GCKR: variants seen among roughly 807,000 people sequenced by gnomAD.
GCKR encodes the protein glucokinase regulator.
In GCKR, 73 loss-of-function variants were observed where a neutral mutation model predicts 82.9. That is an observed-to-expected ratio of 0.88 (90% CI 0.73 to 1.07). The LOEUF is 1.07. GCKR is among the 50% of genes least tolerant of loss of function. GCKR has a pLI of 0.00. For missense variants in GCKR, 784 were observed against 782.1 expected (o/e 1.00, Z -0.03); for synonymous variants, 294 against 291.8 (o/e 1.01, Z -0.08).
rs1394703273 is a variant in GCKR at position 27,508,262 on chromosome 2, T to A, written c.1422+11T>A. 6.5e-7 allele frequency: 1 copy of A among 1,533,238 alleles called. No individual in the cohort carries two copies. The highest frequency in any genetic ancestry group is 1.7e-5 in the Admixed American group (1 of 59,916). 95.0% of individuals were successfully genotyped at this position (1,533,238 alleles called of 1,614,324 possible). ...GGGAACTTCATCCAGGTATGGGGAA[T>A]GAGAAGGTCCTATCTGCAGTAAGGG... On this transcript the variant is annotated intron_variant, in intron 16 of 18. Transcript: ENST00000264717.
rs765015096 is a variant in GCKR, at chr2:27,506,821, C to A, written c.1002C>A (p.Gly334=). Residue 334 remains glycine (G), a synonymous_variant, in exon 12 of 19, where the codon GGC becomes GGA. Transcript: ENST00000264717. The part of the protein sequence containing the change: ...LEKKGHVYLV[G]WQTLGIIAIM... ...AGAAAGGCCACGTGTACCTGGTTGG[C>A]TGGCAGACCCTGGGCATCATTGCCA... The A allele has an allele frequency of 6.2e-7, 1 of 1,613,378 alleles. No homozygotes were observed. Among genetic ancestry groups the A allele is most frequent in the Non-Finnish European group, 8.5e-7 (1 of 1,179,294 alleles).
intron 17 of GCKR, 37 bp downstream of exon 17, chr2:27,518,974 G>C (rs746369078): frequency 6.4e-7 from 1 of 1,567,762 alleles, no homozygotes. Context: ...GTGGGACCTG[G>C]CCTCAATGCT....
At chr2:27,510,797 C>G (rs527691071) in intron 16 of GCKR, among the ~76,000 whole-genome samples, 1 of 151,408 alleles carries the variant, frequency 6.6e-6, no homozygotes, top group African/African-American at 2.4e-5. Flanking sequence ...TCTTTTGGGT[C>G]TATTTACCCA....
chr2:27,523,165 C>T, intron 18 of GCKR, 104 bp from the exon 19 acceptor site: 2 of 931,006 alleles, frequency 2.1e-6, no homozygotes. Flanking sequence ...TCCCAAAGTG[C>T]TGGGATTACA....
At position 27,498,725 on chromosome 2, in the gene GCKR, T is replaced by G; in HGVS notation, c.356T>G (p.Val119Gly). ...TSGRMAFLMS[V>G]SFNQLMKGLG... ...TTACATCCTCTCCCTGCTTGACAGG[T>G]GTCCTTTAATCAGCTGATGAAAGGT... The change falls in exon 5 of 19, where the codon GTG becomes GGG. Residue 119 changes from valine (V) to glycine (G), a missense_variant and splice_region_variant. By Grantham distance (109) the Val-to-Gly change is moderately radical. Transcript: ENST00000264717. The G allele has an allele frequency of 6.3e-7, 1 of 1,582,558 alleles. No individual in the cohort carries two copies. The highest frequency in any genetic ancestry group is 8.7e-7 in the Non-Finnish European group (1 of 1,151,150).
chr2:27,501,251 G>T (rs1237758840), intron 8 of GCKR, 22 bp downstream of exon 8: 2 of 1,496,778 alleles, frequency 1.3e-6, no homozygotes, highest in East Asian at 4.5e-5. Flanking sequence ...GGAATGACTG[G>T]GCAGCCCTGG....
chr2:27,497,008 A>G lies in GCKR; in HGVS notation c.60+44A>G, dbSNP rs764878570. 7 of 1,509,716 alleles carry G rather than the reference A, an allele frequency of 4.6e-6. No individual in the cohort carries two copies. The East Asian group carries it at 1.6e-4, about 34-fold the overall frequency. 93.5% of individuals were successfully genotyped at this position (1,509,716 alleles called of 1,614,324 possible). A position where few individuals can be genotyped will look rare whatever the true frequency, so the allele number is the denominator to read the frequency against. ...GTTGGCTTTCTGTGCTGATTCCTAG[A>G]ATTATTTTTCATCCAGTCTTCCCTC... is the stretch of plus-strand genomic sequence containing the variant. On this transcript the variant is annotated intron_variant, in intron 1 of 18. Coordinates refer to ENST00000264717, the MANE Select transcript of GCKR (RefSeq NM_001486.4).
intron 8 of GCKR, among the ~76,000 whole-genome samples, chr2:27,502,842 C>T (rs550418002): frequency 6.6e-6 from 1 of 152,258 alleles, no homozygotes; most frequent in South Asian, 2.1e-4. Context: ...CCACAGTGGG[C>T]GATTCACAAA....
At chr2:27,499,626 G>A (rs1669524631) in intron 7 of GCKR, among the ~76,000 whole-genome samples, 176 bp downstream of exon 7, 1 of 152,224 alleles carries the variant, frequency 6.6e-6, no homozygotes, top group African/African-American at 2.4e-5. Flanking sequence ...GGAAGATGGG[G>A]AAGGGATTCT....
chr2:27,499,112 C>T (rs1160515346), intron 5 of GCKR, 30 bp from the exon 6 acceptor site: 6 of 1,416,858 alleles, frequency 4.2e-6, no homozygotes, highest in Non-Finnish European at 6.0e-6. Context: ...TTTCCAGCCA[C>T]TGCCACTGAC....
Position 27,506,807 on chromosome 2 carries a change from G to A in GCKR, c.988G>A (p.Val330Met), listed in dbSNP as rs563921371. 4.0e-5 allele frequency: 64 copies of A among 1,612,554 alleles called. No homozygotes were observed. The highest frequency in any genetic ancestry group is 1.3e-4 in the East Asian group (6 of 44,878). Reference sequence around the variant, plus strand: ...TCTCAGTCTGGAGAAGAAAGGCCACGTGTACCTGGTTGGCTGGCAGACCCT... The same window carrying A: ...TCTCAGTCTGGAGAAGAAAGGCCACATGTACCTGGTTGGCTGGCAGACCCT... ...VSTSLEKKGH[V>M]YLVGWQTLGI... is the part of the protein sequence containing the mutation. The change falls in exon 12 of 19, where the codon GTG becomes ATG. Residue 330 changes from valine to methionine, a missense_variant. By Grantham distance (21) the Val-to-Met change is conservative. Transcript: ENST00000264717.
chr2:27,507,784 G>A lies in GCKR; in HGVS notation c.1240+7G>A, dbSNP rs1324787151. The A allele has an allele frequency of 4.0e-6, 6 of 1,493,358 alleles. No homozygotes were observed. The highest frequency in any genetic ancestry group is 2.3e-5 in the East Asian group (1 of 44,364). 92.5% of individuals were successfully genotyped at this position (1,493,358 alleles called of 1,614,324 possible). A position where few individuals can be genotyped will look rare whatever the true frequency, so the allele number is the denominator to read the frequency against. ...TTCATTTTCACCCTGGATGGTGAGA[G>A]GGAAGATGGGAGTGGTGAGGGGTGG... On this transcript the variant is annotated splice_region_variant and intron_variant, in intron 14 of 18. Coordinates refer to ENST00000264717, the MANE Select transcript of GCKR (RefSeq NM_001486.4).
intron 16 of GCKR, among the ~76,000 whole-genome samples, chr2:27,509,279 G>A (rs761707579): frequency 4.6e-5 from 7 of 152,146 alleles, no homozygotes; most frequent in Non-Finnish European, 8.8e-5. Flanking sequence ...CTCAGAACTC[G>A]TATAGAAGCG....
chr2:27,499,542 G>A (rs1343700270), intron 7 of GCKR, 92 bp downstream of exon 7: 1 of 984,070 alleles, frequency 1.0e-6, no homozygotes, highest in African/African-American at 1.6e-5. Flanking sequence ...TGAGATCGGT[G>A]CTAGAAGGCA....
At chr2:27,507,855 T>C in intron 14 of GCKR, 78 bp downstream of exon 14, 1 of 1,152,984 alleles carries the variant, frequency 8.7e-7, no homozygotes, top group Middle Eastern at 2.0e-4. Context: ...TTTTTCTGGG[T>C]CTTAGGGTAC....
In GCKR at chr2:27,497,250, G is replaced by A. The variant is rs1259978985; in HGVS notation, c.67G>A (p.Gly23Arg). 1 of 1,614,166 alleles carries A rather than the reference G, an allele frequency of 6.2e-7. No homozygotes were observed. Among genetic ancestry groups the A allele is most frequent in the Admixed American group, 1.7e-5 (1 of 60,018 alleles). ...TGTCCCCTCTTCCTTCTAGTTGTCT[G>A]GGTACGAGGCAGCTGTGCCAATCAC... ...TPEPGKWELS[G>R]YEAAVPITEK... is the part of the protein sequence containing the mutation. The change falls in exon 2 of 19, where the codon GGG (glycine) becomes AGG (arginine). Residue 23 changes from glycine to arginine, a missense_variant. Coordinates refer to ENST00000264717, the MANE Select transcript of GCKR (RefSeq NM_001486.4).
At chr2:27,517,670 T>C (rs1670043074) in intron 16 of GCKR, among the ~76,000 whole-genome samples, 1 of 152,178 alleles carries the variant, frequency 6.6e-6, no homozygotes. Context: ...CTCAACACCT[T>C]TACTGGGCCC....
intron 6 of GCKR, 48 bp from the exon 7 acceptor site, chr2:27,499,349 C>A: frequency 6.8e-7 from 1 of 1,479,182 alleles, no homozygotes; most frequent in Non-Finnish European, 9.5e-7. Context: ...TAGATTTGTG[C>A]CCTGGAATCC....
chr2:27,511,175 A>C (rs894183926), intron 16 of GCKR, among the ~76,000 whole-genome samples: 2 of 151,810 alleles, frequency 1.3e-5, no homozygotes, highest in African/African-American at 4.8e-5. Context: ...TTACAGGCAC[A>C]CGCCTCTATG....
Sources: gnomAD v4.1 joint callset for allele counts (sites outside exome capture counted in the v4.1 genomes callset) on GRCh38, gnomAD v4.1.1 for gene constraint, MANE v1.5 for transcripts, NCBI Gene and HGNC (gene_info 2026-07-23, HGNC 2026-07-21) for gene names.